The following PCDH7 variants were observed in gnomAD, a reference collection of about 807,000 sequenced individuals.
The protein encoded by PCDH7 is protocadherin 7, also known as protocadherin-7.
PCDH7 carries 17 observed loss-of-function variants against 58.9 expected under a neutral mutation model. The ratio of observed to expected loss-of-function variants is 0.29; its 90% CI spans 0.20 to 0.43. PCDH7 has a LOEUF of 0.43. Among genes scored for constraint, PCDH7 ranks in the 20% least tolerant of loss-of-function variants. PCDH7 has a pLI of 1.00. For missense variants in PCDH7, 1,274 were observed against 1,441.0 expected, an observed-to-expected ratio of 0.88 and a Z score of 1.88; for synonymous variants, 664 against 616.4, an observed-to-expected ratio of 1.08 and a Z score of -1.14.
At chr4:31,073,661 A>G (rs1319916890) in intron 3 of PCDH7, among the ~76,000 whole-genome samples, 1 of 152,190 alleles carries the variant, frequency 6.6e-6, no homozygotes, top group Non-Finnish European at 1.5e-5. Flanking sequence ...CCTCTGCCCA[A>G]CCACGGATCA....
At chr4:30,882,226 C>T (rs1030917392) in intron 1 of PCDH7, among the ~76,000 whole-genome samples, 5 of 151,494 alleles carry the variant, frequency 3.3e-5, no homozygotes, top group Non-Finnish European at 7.4e-5. Context: ...AACTCCTCCT[C>T]CTCCTCCTCT....
chr4:30,984,132 A>G (rs1342513951), intron 3 of PCDH7, among the ~76,000 whole-genome samples: 1 of 152,220 alleles, frequency 6.6e-6, no homozygotes, highest in Non-Finnish European at 1.5e-5. Flanking sequence ...TAATAAAAAT[A>G]TGTAAAACAG....
intron 3 of PCDH7, among the ~76,000 whole-genome samples, chr4:31,039,096 T>C (rs1755641666): frequency 6.6e-6 from 1 of 152,158 alleles, no homozygotes; most frequent in African/African-American, 2.4e-5. Flanking sequence ...CTGTAAGAAT[T>C]ATCAATTCTA....
chr4:31,101,219 A>G (rs564146858), intron 3 of PCDH7, among the ~76,000 whole-genome samples: 51 of 152,330 alleles, frequency 3.3e-4, no homozygotes, highest in African/African-American at 1.2e-3. Context: ...ATTTATAAGA[A>G]CTAAAGTGAG....
intron 1 of PCDH7, among the ~76,000 whole-genome samples, chr4:30,741,395 C>T (rs776052149): frequency 6.6e-5 from 10 of 151,862 alleles, no homozygotes; most frequent in Non-Finnish European, 1.5e-4. Context: ...GGTTTCGCCA[C>T]GTTACCCAGG....
intron 1 of PCDH7, among the ~76,000 whole-genome samples, chr4:30,747,139 A>T (rs1210677819): frequency 6.6e-6 from 1 of 152,182 alleles, no homozygotes; most frequent in Non-Finnish European, 1.5e-5. Flanking sequence ...AACAACCTGT[A>T]TGTTGTTAAA....
chr4:30,968,315 T>TACAC (rs1274709576), intron 3 of PCDH7, among the ~76,000 whole-genome samples: 595 of 43,748 alleles, frequency 0.014, 26 homozygotes, highest in African/African-American at 0.058. Context: ...TATATATATA[T>TACAC]ACACTATATA....
intron 3 of PCDH7, among the ~76,000 whole-genome samples, chr4:31,125,091 A>G (rs1031784907): frequency 2.6e-5 from 4 of 152,176 alleles, no homozygotes; most frequent in Admixed American, 2.0e-4. Flanking sequence ...TTAGCTGAAT[A>G]TGGCTTTAAT....
intron 1 of PCDH7, among the ~76,000 whole-genome samples, chr4:30,856,945 T>C (rs554168557): frequency 1.3e-5 from 2 of 152,108 alleles, no homozygotes; most frequent in East Asian, 3.9e-4. Context: ...TTTTTTTTAA[T>C]CTTCAAATGA....
intron 3 of PCDH7, among the ~76,000 whole-genome samples, chr4:31,077,421 A>G (rs1320046819): frequency 1.3e-5 from 2 of 151,704 alleles, no homozygotes; most frequent in African/African-American, 2.4e-5. Flanking sequence ...AAAAAAAAAA[A>G]AAAGAAAAAG....
intron 1 of PCDH7, among the ~76,000 whole-genome samples, chr4:30,819,217 T>C (rs1728054593): frequency 6.6e-6 from 1 of 152,106 alleles, no homozygotes; most frequent in South Asian, 2.1e-4. Flanking sequence ...ACAGTGTCTT[T>C]TAGGGAAGAA....
chr4:30,905,918 T>G (rs1302797590), intron 1 of PCDH7, among the ~76,000 whole-genome samples: 2 of 152,194 alleles, frequency 1.3e-5, no homozygotes, highest in East Asian at 3.8e-4. Flanking sequence ...TTCAATATTT[T>G]TATGAGGCTA....
At chr4:30,756,261 AC>A (rs1026582017) in intron 1 of PCDH7, among the ~76,000 whole-genome samples, 1 of 151,818 alleles carries the variant, frequency 6.6e-6, no homozygotes, top group Non-Finnish European at 1.5e-5. Flanking sequence ...CAAGAATGGC[AC>A]CCCGCTGTTC....
At chr4:30,825,568 T>C (rs1466608742) in intron 1 of PCDH7, among the ~76,000 whole-genome samples, 2 of 152,090 alleles carry the variant, frequency 1.3e-5, no homozygotes, top group African/African-American at 4.8e-5. Flanking sequence ...TGTATTGCTG[T>C]TATTGATGCT....
intron 1 of PCDH7, among the ~76,000 whole-genome samples, chr4:30,889,683 C>T (rs1241196292): frequency 6.6e-6 from 1 of 152,118 alleles, no homozygotes; most frequent in Non-Finnish European, 1.5e-5. Flanking sequence ...CTTCATAGAT[C>T]TTGCTTTCTT....
At chr4:31,131,545 C>G (rs1246928142) in intron 3 of PCDH7, among the ~76,000 whole-genome samples, 1 of 152,122 alleles carries the variant, frequency 6.6e-6, no homozygotes, top group Non-Finnish European at 1.5e-5. Flanking sequence ...TTTTCAGCTC[C>G]TAACAAAAGC....
chr4:31,133,006 T>TA (rs1198218914), intron 3 of PCDH7, among the ~76,000 whole-genome samples: 1 of 152,248 alleles, frequency 6.6e-6, no homozygotes, highest in African/African-American at 2.4e-5. Flanking sequence ...GACATAATCA[T>TA]ACCTGTTTTC....
At chr4:31,057,998 A>G (rs1560610114) in intron 3 of PCDH7, among the ~76,000 whole-genome samples, 1 of 152,114 alleles carries the variant, frequency 6.6e-6, no homozygotes, top group Non-Finnish European at 1.5e-5. Flanking sequence ...GGATTTAAAT[A>G]TCCAATTAAG....
At chr4:31,105,180 T>C (rs1715395629) in intron 3 of PCDH7, among the ~76,000 whole-genome samples, 2 of 152,228 alleles carry the variant, frequency 1.3e-5, no homozygotes, top group Admixed American at 1.3e-4. Context: ...TCATACTTCA[T>C]TTACTTCTTT....
Sources: allele counts gnomAD v4.1 joint callset (sites outside exome capture counted in the v4.1 genomes callset), GRCh38; gene constraint gnomAD v4.1.1; transcripts MANE v1.5; gene names NCBI Gene and HGNC (gene_info 2026-07-23, HGNC 2026-07-21).